The following LYPD6B variants were observed in gnomAD, a reference collection of about 807,000 sequenced individuals.
LYPD6B encodes ly6/PLAUR domain-containing protein 6B.
A neutral mutation model predicts 22.8 loss-of-function variants in LYPD6B; 17 were observed. The ratio of observed to expected loss-of-function variants is 0.75; its 90% CI spans 0.51 to 1.12. The LOEUF (loss-of-function observed/expected upper bound fraction) is 1.12, where lower values mean the gene tolerates loss of function less well. Among genes scored for constraint, LYPD6B ranks in the 50% most tolerant of loss-of-function variants. The pLI is 0.00. For missense variants in LYPD6B, 221 were observed against 258.3 expected, an observed-to-expected ratio of 0.86 and a Z score of 0.99; for synonymous variants, 106 against 91.6, an observed-to-expected ratio of 1.16 and a Z score of -0.90.
intron 2 of LYPD6B, among the ~76,000 whole-genome samples, chr2:149,135,311 A>G (rs1688289765): frequency 6.6e-6 from 1 of 151,590 alleles, no homozygotes; most frequent in Admixed American, 6.6e-5. Flanking sequence ...GTCCCTTTGT[A>G]ATGTCAATTG....
intron 3 of LYPD6B, among the ~76,000 whole-genome samples, chr2:149,171,036 A>ATC (rs1350549932): frequency 6.6e-6 from 1 of 152,208 alleles, no homozygotes; most frequent in Non-Finnish European, 1.5e-5. Flanking sequence ...ACAAGTGGTG[A>ATC]TCCTGAAGCC....
At chr2:149,113,765 C>T (rs550694002) in intron 1 of LYPD6B, among the ~76,000 whole-genome samples, 3 of 152,290 alleles carry the variant, frequency 2.0e-5, no homozygotes, top group African/African-American at 7.2e-5. Context: ...ACCTTCTCCA[C>T]ACTCTCTGGG....
chr2:149,070,522 C>A (rs970633056), intron 1 of LYPD6B, among the ~76,000 whole-genome samples: 2 of 152,100 alleles, frequency 1.3e-5, no homozygotes, highest in Non-Finnish European at 2.9e-5. Flanking sequence ...GATGGTATTC[C>A]CAGTGCCTGG....
At chr2:149,098,824 G>A (rs960058102) in intron 1 of LYPD6B, among the ~76,000 whole-genome samples, 21 of 147,292 alleles carry the variant, frequency 1.4e-4, no homozygotes, top group Non-Finnish European at 2.4e-4. Context: ...AATGCATGAT[G>A]ACGGGACTTT....
chr2:149,086,785 C>T (rs1001074204), intron 1 of LYPD6B, among the ~76,000 whole-genome samples: 1 of 152,140 alleles, frequency 6.6e-6, no homozygotes, highest in Non-Finnish European at 1.5e-5. Context: ...CCTCTGAGGG[C>T]TGTGAGGGAG....
At chr2:149,105,208 A>G (rs1038234903) in intron 1 of LYPD6B, among the ~76,000 whole-genome samples, 3 of 152,042 alleles carry the variant, frequency 2.0e-5, no homozygotes, top group Non-Finnish European at 2.9e-5. Flanking sequence ...TGTTCCATGG[A>G]CCCATGTGCC....
intron 2 of LYPD6B, among the ~76,000 whole-genome samples, chr2:149,153,021 AG>A (rs1482584056): frequency 6.6e-6 from 1 of 152,158 alleles, no homozygotes. Flanking sequence ...ACCCTAAGGA[AG>A]GGGAAAACAA....
At chr2:149,066,160 CT>C (rs553679005) in intron 1 of LYPD6B, among the ~76,000 whole-genome samples, 28 of 146,020 alleles carry the variant, frequency 1.9e-4, no homozygotes, top group Admixed American at 4.1e-4. Context: ...TATTTGTTTC[CT>C]TTTTTTTTTC....
At chr2:149,066,009 G>T (rs1440342235) in intron 1 of LYPD6B, among the ~76,000 whole-genome samples, 3 of 152,038 alleles carry the variant, frequency 2.0e-5, no homozygotes, top group African/African-American at 7.2e-5. Flanking sequence ...ACCGCACTCG[G>T]CCCTAATAAA....
chr2:149,044,405 A>G (rs986862247), intron 1 of LYPD6B, among the ~76,000 whole-genome samples: 7 of 152,032 alleles, frequency 4.6e-5, no homozygotes, highest in Non-Finnish European at 8.8e-5. Context: ...GGTATATAGA[A>G]ATAGAATTTA....
At chr2:149,144,623 C>T (rs989643221) in intron 2 of LYPD6B, among the ~76,000 whole-genome samples, 7 of 152,088 alleles carry the variant, frequency 4.6e-5, no homozygotes, top group African/African-American at 1.7e-4. Context: ...AACTCCTGGG[C>T]TCAAGTCATC....
chr2:149,102,177 T>A (rs1402524693), intron 1 of LYPD6B, among the ~76,000 whole-genome samples: 1 of 152,192 alleles, frequency 6.6e-6, no homozygotes, highest in East Asian at 1.9e-4. Context: ...ATTGAAAAGA[T>A]AAATTAATAT....
At chr2:149,134,514 T>C (rs910591211) in intron 2 of LYPD6B, among the ~76,000 whole-genome samples, 1 of 152,228 alleles carries the variant, frequency 6.6e-6, no homozygotes, top group Non-Finnish European at 1.5e-5. Flanking sequence ...CTTATATAAA[T>C]GTAGAGTTGT....
chr2:149,157,703 A>G (rs1029515503), intron 2 of LYPD6B, among the ~76,000 whole-genome samples: 3 of 152,222 alleles, frequency 2.0e-5, no homozygotes, highest in Admixed American at 2.0e-4. Flanking sequence ...GAAGACCAGC[A>G]GTGGAGCCTC....
intron 3 of LYPD6B, among the ~76,000 whole-genome samples, chr2:149,198,628 T>G (rs1280892700): frequency 1.3e-5 from 2 of 152,360 alleles, no homozygotes; most frequent in East Asian, 3.9e-4. Flanking sequence ...TTAACATCAG[T>G]GCTGCTTTAG....
At chr2:149,050,873 CTT>C (rs1683519085) in intron 1 of LYPD6B, among the ~76,000 whole-genome samples, 1 of 152,028 alleles carries the variant, frequency 6.6e-6, no homozygotes, top group South Asian at 2.1e-4. Flanking sequence ...ATGATTTCAA[CTT>C]TTTAAAAACA....
At chr2:149,073,487 C>T (rs1296220093) in intron 1 of LYPD6B, among the ~76,000 whole-genome samples, 1 of 152,106 alleles carries the variant, frequency 6.6e-6, no homozygotes, top group Non-Finnish European at 1.5e-5. Context: ...TTCTTGCTGT[C>T]TTCCTGTCCA....
chr2:149,086,837 T>A (rs1360992836), intron 1 of LYPD6B, among the ~76,000 whole-genome samples: 1 of 152,194 alleles, frequency 6.6e-6, no homozygotes, highest in African/African-American at 2.4e-5. Flanking sequence ...CACATGGCTG[T>A]CTTTTCTCTG....
At chr2:149,132,435 T>G (rs890385962) in intron 2 of LYPD6B, among the ~76,000 whole-genome samples, 2 of 151,946 alleles carry the variant, frequency 1.3e-5, no homozygotes, top group Admixed American at 6.6e-5. Context: ...AGGCCCTTTC[T>G]CTAGGAAAGG....
Sources: gnomAD v4.1 joint callset for allele counts (sites outside exome capture counted in the v4.1 genomes callset) on GRCh38, gnomAD v4.1.1 for gene constraint, MANE v1.5 for transcripts, NCBI Gene and HGNC (gene_info 2026-07-23, HGNC 2026-07-21) for gene names.